Variants in SPART observed in about 807,000 individuals in gnomAD.
SPART encodes the protein spastic paraplegia 20 (Troyer syndrome).
A neutral mutation model predicts 58.7 loss-of-function variants in SPART; 35 were observed. The observed-to-expected ratio is 0.60, with a 90% CI of 0.46 to 0.79. The LOEUF (loss-of-function observed/expected upper bound fraction) is 0.79, where lower values mean the gene tolerates loss of function less well. SPART is among the 30% of genes least tolerant of loss of function. The pLI, the probability that SPART is intolerant of heterozygous loss-of-function variation, is 0.00. For missense variants in SPART, 730 were observed against 786.1 expected, an observed-to-expected ratio of 0.93 and a Z score of 0.85; for synonymous variants, 284 against 280.7, an observed-to-expected ratio of 1.01 and a Z score of -0.12.
intron 1 of SPART, among the ~76,000 whole-genome samples, chr13:36,344,029 T>G (rs1226144109): frequency 7.2e-6 from 1 of 139,132 alleles, no homozygotes; most frequent in Non-Finnish European, 1.6e-5. Context: ...CAAGACCTTG[T>G]CTCTTTAAAA....
chr13:36,358,985 A>T (rs545403436), intron 1 of SPART, among the ~76,000 whole-genome samples: 1 of 152,252 alleles, frequency 6.6e-6, no homozygotes, highest in Admixed American at 6.5e-5. Flanking sequence ...TTTTTTATTC[A>T]TCATTCTATC....
At chr13:36,316,970 C>A (rs1187001831) in intron 5 of SPART, among the ~76,000 whole-genome samples, 1 of 152,186 alleles carries the variant, frequency 6.6e-6, no homozygotes, top group Non-Finnish European at 1.5e-5. Context: ...CCCTCGACCT[C>A]TTTCTCCTTT....
At chr13:36,339,627 C>CAAAAAAAAAA (rs71084420) in intron 1 of SPART, among the ~76,000 whole-genome samples, 9 of 38,806 alleles carry the variant, frequency 2.3e-4, no homozygotes, top group Non-Finnish European at 3.3e-4. Context: ...ACGACTCCAT[C>CAAAAAAAAAA]AAAAAAAAAA....
In SPART at chr13:36,303,538, TTATA is replaced by T. The variant is rs939874051; in HGVS notation, c.*823_*826del. On this transcript the variant is annotated 3_prime_UTR_variant, in exon 9 of 9. Coordinates refer to ENST00000438666, the MANE Select transcript of SPART (RefSeq NM_015087.5). ...GTTTACCATTAGTAAACTCAATTGT[TTATA>T]TATATTTTTTTTACAAGTTTTAACC... 30 of 152,120 alleles carry T rather than the reference TTATA, an allele frequency of 2.0e-4. No homozygotes were observed. The highest frequency in any genetic ancestry group is 7.0e-4 in the African/African-American group (29 of 41,460). 9.4% of individuals were successfully genotyped at this position (152,120 alleles called of 1,614,324 possible).
chr13:36,326,067 G>A (rs1250974512), intron 5 of SPART: 1 of 158,320 alleles, frequency 6.3e-6, no homozygotes, highest in Admixed American at 6.2e-5. Flanking sequence ...TAGTGAAAGG[G>A]ACAAGGCAGC....
At chr13:36,323,556 A>G (rs767522868) in intron 5 of SPART, among the ~76,000 whole-genome samples, 1 of 152,208 alleles carries the variant, frequency 6.6e-6, no homozygotes, top group Non-Finnish European at 1.5e-5. Context: ...ATTATGGGCT[A>G]AGATGAATGA....
intron 5 of SPART, among the ~76,000 whole-genome samples, 186 bp from the exon 6 acceptor site, chr13:36,314,607 G>C (rs1881489352): frequency 6.6e-6 from 1 of 152,204 alleles, no homozygotes; most frequent in African/African-American, 2.4e-5. Context: ...TAGTGACACA[G>C]TTCTGCGTTA....
At position 36,329,447 on chromosome 13, in the gene SPART, T is replaced by C. The variant is rs200205969; in HGVS notation, c.1079A>G (p.Gln360Arg). The C allele has an allele frequency of 3.0e-5, 48 of 1,614,056 alleles. No homozygotes were observed. The highest frequency in any genetic ancestry group is 4.2e-6 in the Non-Finnish European group (5 of 1,180,020). ...IPGRTRPSSD[Q>R]LKEASGTDVK... The stretch of plus-strand genomic sequence containing the variant: ...ATCAGTGCCAGAGGCTTCTTTTAGT[T>C]GGTCAGAGGAGGGTCTAGTTCTTCC... Residue 360 changes from glutamine to arginine, a missense_variant, in exon 4 of 9, where the codon CAA becomes CGA. Gln to Arg is a conservative substitution (Grantham distance 43). Coordinates refer to ENST00000438666, the MANE Select transcript of SPART (RefSeq NM_015087.5).
At position 36,312,223 on chromosome 13, in the gene SPART, A is replaced by C. The variant is rs202118286; in HGVS notation, c.1655T>G (p.Val552Gly). Residue 552 changes from valine (V) to glycine (G), a missense_variant, in exon 8 of 9, where the codon GTC becomes GGC. Val to Gly is a moderately radical substitution (Grantham distance 109). Transcript: ENST00000438666. Reference sequence around the variant, plus strand: ...AGCTGCACATTCCAATCCTTGCCAGACAGTTGAAAATCCTGTAAAAATAAT... The same window carrying C: ...AGCTGCACATTCCAATCCTTGCCAGCCAGTTGAAAATCCTGTAAAAATAAT... ...AASSVQGFSTVWQGLECAAKC... is the reference protein window; with the variant it reads ...AASSVQGFSTGWQGLECAAKC... The C allele has an allele frequency of 2.5e-5, 40 of 1,614,048 alleles. No individual in the cohort carries two copies. The highest frequency in any genetic ancestry group is 3.3e-5 in the Admixed American group (2 of 60,010).
chr13:36,312,258 G>C (rs765674587), intron 7 of SPART, 23 bp from the exon 8 acceptor site: 2 of 1,613,586 alleles, frequency 1.2e-6, no homozygotes, highest in East Asian at 2.2e-5. Flanking sequence ...TATTTAAAAC[G>C]ATGTAAATCT....
chr13:36,358,128 A>T (rs548760164), intron 1 of SPART, among the ~76,000 whole-genome samples: 3 of 152,208 alleles, frequency 2.0e-5, no homozygotes, highest in Non-Finnish European at 4.4e-5. Context: ...TAGAAAAAAA[A>T]AGAAAAACCT....
chr13:36,338,128 C>T (rs1475713584), intron 1 of SPART, among the ~76,000 whole-genome samples: 1 of 152,144 alleles, frequency 6.6e-6, no homozygotes. Context: ...CAGGCATCCA[C>T]TAGGGGTCTT....
At position 36,301,819 on chromosome 13, in the gene SPART, G is replaced by C. The variant is rs1304402444; in HGVS notation, c.*2546C>G. ...TCTTGCATATGTGTACCAGGGGACA[G>C]TCAAGGATGTTTTGAGTGTACTGTT... On this transcript the variant is annotated 3_prime_UTR_variant, in exon 9 of 9. Transcript: ENST00000438666. 6.6e-6 allele frequency: 1 copy of C among 152,158 alleles called. No homozygotes were observed. Among genetic ancestry groups the C allele is most frequent in the Non-Finnish European group, 1.5e-5 (1 of 68,024 alleles). 9.4% of individuals were successfully genotyped at this position (152,158 alleles called of 1,614,324 possible). A position where few individuals can be genotyped will look rare whatever the true frequency, so the allele number is the denominator to read the frequency against.
intron 1 of SPART, among the ~76,000 whole-genome samples, chr13:36,354,058 T>C (rs1299241906): frequency 2.0e-5 from 3 of 152,208 alleles, no homozygotes; most frequent in Non-Finnish European, 4.4e-5. Context: ...TTTTATCAGA[T>C]TGAGGGCTGG....
chr13:36,355,423 A>G (rs1174047563), intron 1 of SPART, among the ~76,000 whole-genome samples: 3 of 152,206 alleles, frequency 2.0e-5, no homozygotes, highest in Non-Finnish European at 4.4e-5. Context: ...AAGAGGTCAT[A>G]TCTGTTTTCA....
At chr13:36,311,241 C>G (rs1437557865) in intron 8 of SPART, among the ~76,000 whole-genome samples, 1 of 152,206 alleles carries the variant, frequency 6.6e-6, no homozygotes, top group Non-Finnish European at 1.5e-5. Context: ...TGAGCCACAA[C>G]ACAGCAGGAT....
intron 4 of SPART, 150 bp downstream of exon 4, chr13:36,329,212 G>C (rs1883229490): frequency 3.6e-6 from 3 of 822,608 alleles, no homozygotes; most frequent in Admixed American, 3.5e-5. Context: ...TACTACAACT[G>C]ATTCTAATTG....
intron 1 of SPART, among the ~76,000 whole-genome samples, chr13:36,353,712 A>G (rs1408669341): frequency 3.9e-5 from 6 of 152,194 alleles, no homozygotes; most frequent in Non-Finnish European, 8.8e-5. Flanking sequence ...TAATTAGGAA[A>G]GAAGCAGCAG....
chr13:36,367,062 C>T (rs1293497617), intron 1 of SPART, among the ~76,000 whole-genome samples: 1 of 152,186 alleles, frequency 6.6e-6, no homozygotes, highest in Non-Finnish European at 1.5e-5. Context: ...GCCCAAAATC[C>T]CCTAACAGCA....
Sources: allele counts gnomAD v4.1 joint callset (sites outside exome capture counted in the v4.1 genomes callset), GRCh38; gene constraint gnomAD v4.1.1; transcripts MANE v1.5; gene names NCBI Gene and HGNC (gene_info 2026-07-23, HGNC 2026-07-21).